The following LRMDA variants were observed in gnomAD, a reference collection of about 807,000 sequenced individuals.
The protein encoded by LRMDA is leucine rich melanocyte differentiation associated.
Under a neutral mutation model 29.8 loss-of-function variants are expected in LRMDA, and 18 were observed. That is an observed-to-expected ratio of 0.60 (90% CI 0.42 to 0.90). The LOEUF is 0.90. LRMDA is among the 40% of genes least tolerant of loss of function. The pLI, the probability that LRMDA is intolerant of heterozygous loss-of-function variation, is 0.00. For missense variants in LRMDA, 273 were observed against 273.9 expected (o/e 1.00, Z 0.02); for synonymous variants, 125 against 109.4 (o/e 1.14, Z -0.89).
chr10:76,482,803 A>G (rs1169478910), intron 6 of LRMDA, among the ~76,000 whole-genome samples: 2 of 151,954 alleles, frequency 1.3e-5, no homozygotes, highest in South Asian at 4.1e-4. Flanking sequence ...ATTCAGTTCA[A>G]TTCAGCAGTT....
At chr10:76,468,783 A>T (rs1277422282) in intron 6 of LRMDA, among the ~76,000 whole-genome samples, 1 of 152,204 alleles carries the variant, frequency 6.6e-6, no homozygotes, top group Non-Finnish European at 1.5e-5. Flanking sequence ...TCTGAAATGC[A>T]TCCTGAAGAT....
At chr10:76,230,354 T>G (rs556994606) in intron 5 of LRMDA, among the ~76,000 whole-genome samples, 8 of 152,292 alleles carry the variant, frequency 5.3e-5, no homozygotes, top group Admixed American at 2.0e-4. Flanking sequence ...TGTATGTAAA[T>G]GCTGGGAGAA....
At chr10:75,666,654 A>G (rs1841826372) in intron 2 of LRMDA, among the ~76,000 whole-genome samples, 1 of 152,176 alleles carries the variant, frequency 6.6e-6, no homozygotes, top group African/African-American at 2.4e-5. Flanking sequence ...ATTTATAAGT[A>G]TAAGGACCAT....
chr10:75,558,704 C>T (rs930059516), intron 2 of LRMDA, among the ~76,000 whole-genome samples: 16 of 149,306 alleles, frequency 1.1e-4, no homozygotes, highest in Non-Finnish European at 2.4e-4. Flanking sequence ...ACAACAGTCC[C>T]CAGAGTGTGA....
intron 2 of LRMDA, among the ~76,000 whole-genome samples, chr10:75,734,303 G>T (rs780979872): frequency 6.6e-6 from 1 of 152,178 alleles, no homozygotes; most frequent in East Asian, 1.9e-4. Context: ...ACACATGGGC[G>T]TAGAGAAAAC....
At chr10:75,666,587 C>T (rs999689389) in intron 2 of LRMDA, among the ~76,000 whole-genome samples, 1 of 151,906 alleles carries the variant, frequency 6.6e-6, no homozygotes, top group Non-Finnish European at 1.5e-5. Flanking sequence ...TTGAAAAAAA[C>T]AAAAGCTAAT....
intron 5 of LRMDA, among the ~76,000 whole-genome samples, chr10:76,234,586 T>C (rs1852117547): frequency 6.6e-6 from 1 of 152,226 alleles, no homozygotes; most frequent in Non-Finnish European, 1.5e-5. Flanking sequence ...TTTGTCTACA[T>C]TGGAAATCTG....
intron 5 of LRMDA, among the ~76,000 whole-genome samples, chr10:76,290,973 A>T (rs568618617): frequency 1.3e-5 from 2 of 152,326 alleles, no homozygotes; most frequent in South Asian, 4.1e-4. Flanking sequence ...TTCAATTTAT[A>T]TATAATAGCT....
intron 2 of LRMDA, among the ~76,000 whole-genome samples, chr10:75,597,932 T>C (rs1482989378): frequency 4.6e-5 from 7 of 152,144 alleles, no homozygotes; most frequent in Non-Finnish European, 8.8e-5. Context: ...GTCAGCCTGC[T>C]GCGAGGGGAC....
intron 2 of LRMDA, among the ~76,000 whole-genome samples, chr10:75,958,692 G>T (rs541524425): frequency 3.9e-5 from 6 of 152,300 alleles, no homozygotes; most frequent in Non-Finnish European, 7.4e-5. Flanking sequence ...TTGCTACTGG[G>T]TTGTATAGCT....
intron 2 of LRMDA, among the ~76,000 whole-genome samples, chr10:75,889,847 G>T (rs1845453898): frequency 6.6e-6 from 1 of 152,216 alleles, no homozygotes; most frequent in African/African-American, 2.4e-5. Flanking sequence ...TTAATTAATT[G>T]CTAAATTGCA....
intron 2 of LRMDA, among the ~76,000 whole-genome samples, chr10:75,877,692 AT>A (rs1845221807): frequency 6.6e-6 from 1 of 152,260 alleles, no homozygotes; most frequent in African/African-American, 2.4e-5. Flanking sequence ...GGTAGTTAGT[AT>A]AAAAATGTGC....
At chr10:75,575,818 T>C (rs1352375788) in intron 2 of LRMDA, among the ~76,000 whole-genome samples, 2 of 152,162 alleles carry the variant, frequency 1.3e-5, no homozygotes, top group African/African-American at 4.8e-5. Context: ...GACTGTATCA[T>C]GCACTCCGGC....
At chr10:75,969,871 G>C (rs1165489353) in intron 2 of LRMDA, among the ~76,000 whole-genome samples, 1 of 152,140 alleles carries the variant, frequency 6.6e-6, no homozygotes, top group Non-Finnish European at 1.5e-5. Flanking sequence ...TGATGGACTG[G>C]GGTGAAACTT....
intron 5 of LRMDA, among the ~76,000 whole-genome samples, chr10:76,062,765 T>C (rs1848724000): frequency 6.6e-6 from 1 of 151,732 alleles, no homozygotes; most frequent in Non-Finnish European, 1.5e-5. Flanking sequence ...AAAATATATA[T>C]AACTTTATCA....
intron 6 of LRMDA, among the ~76,000 whole-genome samples, chr10:76,473,594 T>C (rs946221391): frequency 1.4e-5 from 2 of 146,990 alleles, no homozygotes; most frequent in East Asian, 2.0e-4. Context: ...AGATCTTGTA[T>C]ACAGGAAATT....
chr10:75,530,156 A>C (rs1405052019), intron 2 of LRMDA, among the ~76,000 whole-genome samples: 1 of 152,038 alleles, frequency 6.6e-6, no homozygotes, highest in Non-Finnish European at 1.5e-5. Flanking sequence ...ATAAAGAAGA[A>C]GGCTAAAAAC....
intron 5 of LRMDA, among the ~76,000 whole-genome samples, chr10:76,236,735 G>A (rs975445263): frequency 6.6e-6 from 1 of 152,098 alleles, no homozygotes; most frequent in African/African-American, 2.4e-5. Flanking sequence ...AACCTATTAT[G>A]GTCACAAGCC....
chr10:76,003,241 G>A (rs576568836), intron 2 of LRMDA, among the ~76,000 whole-genome samples: 3 of 152,252 alleles, frequency 2.0e-5, no homozygotes, highest in South Asian at 2.1e-4. Flanking sequence ...CGGGATTGGT[G>A]GGTGGAAAAT....
Sources: allele counts gnomAD v4.1 joint callset (sites outside exome capture counted in the v4.1 genomes callset), GRCh38; gene constraint gnomAD v4.1.1; transcripts MANE v1.5; gene names NCBI Gene and HGNC (gene_info 2026-07-23, HGNC 2026-07-21).